The following CTNNA3 variants were observed in gnomAD, a reference collection of about 807,000 sequenced individuals.
The protein encoded by CTNNA3 is catenin alpha-3.
CTNNA3 carries 76 observed loss-of-function variants against 95.7 expected under a neutral mutation model. The ratio of observed to expected loss-of-function variants is 0.79; its 90% CI spans 0.66 to 0.96. The LOEUF (loss-of-function observed/expected upper bound fraction) is 0.96, where lower values mean the gene tolerates loss of function less well. Among genes scored for constraint, CTNNA3 ranks in the 40% least tolerant of loss-of-function variants. CTNNA3 has a pLI of 0.00. For synonymous variants in CTNNA3, 431 were observed against 374.4 expected, an observed-to-expected ratio of 1.15 and a Z score of -1.74; for missense variants, 1,191 against 1,089.8, an observed-to-expected ratio of 1.09 and a Z score of -1.31.
chr10:66,061,765 C>A (rs893393933), intron 15 of CTNNA3, among the ~76,000 whole-genome samples: 1 of 152,054 alleles, frequency 6.6e-6, no homozygotes, highest in African/African-American at 2.4e-5. Context: ...GACTCAACCC[C>A]ACACCTCATT....
intron 9 of CTNNA3, among the ~76,000 whole-genome samples, chr10:66,697,266 A>G (rs10822888): frequency 0.18 from 26,721 of 149,392 alleles, 3,038 homozygotes; most frequent in East Asian, 0.34. Flanking sequence ...ATATATATAT[A>G]GATATATAGA....
chr10:66,571,061 A>C (rs1842854212), intron 10 of CTNNA3, among the ~76,000 whole-genome samples: 1 of 152,222 alleles, frequency 6.6e-6, no homozygotes, highest in Admixed American at 6.5e-5. Context: ...TAAGCAAGAT[A>C]GTAATCAAGG....
intron 3 of CTNNA3, among the ~76,000 whole-genome samples, chr10:67,557,194 T>TA (rs1401653335): frequency 6.6e-6 from 1 of 152,066 alleles, no homozygotes; most frequent in Non-Finnish European, 1.5e-5. Flanking sequence ...TTGGTATATC[T>TA]AAAAAAAGGA....
At chr10:66,083,933 C>T (rs527917836) in intron 14 of CTNNA3, among the ~76,000 whole-genome samples, 15 of 151,802 alleles carry the variant, frequency 9.9e-5, no homozygotes, top group Admixed American at 3.3e-4. Flanking sequence ...GTTGGGAATT[C>T]GAGACCAGCC....
chr10:66,197,813 C>T (rs2087062933), intron 13 of CTNNA3, among the ~76,000 whole-genome samples: 1 of 152,102 alleles, frequency 6.6e-6, no homozygotes, highest in Non-Finnish European at 1.5e-5. Flanking sequence ...AGACAAACAC[C>T]AGCTTCATGT....
At chr10:67,466,441 C>T (rs185038163) in intron 5 of CTNNA3, among the ~76,000 whole-genome samples, 39 of 152,214 alleles carry the variant, frequency 2.6e-4, no homozygotes, top group African/African-American at 9.1e-4. Flanking sequence ...TCTCTTTCTA[C>T]GTAATTATAA....
intron 7 of CTNNA3, among the ~76,000 whole-genome samples, chr10:67,179,870 G>A (rs1264657335): frequency 6.6e-6 from 1 of 151,956 alleles, no homozygotes; most frequent in Non-Finnish European, 1.5e-5. Flanking sequence ...CAACCTGCAT[G>A]GGCTCTTTAC....
intron 7 of CTNNA3, among the ~76,000 whole-genome samples, chr10:66,886,063 T>C (rs1359874649): frequency 6.6e-6 from 1 of 152,114 alleles, no homozygotes; most frequent in Non-Finnish European, 1.5e-5. Flanking sequence ...CCTCATAGCC[T>C]CTAAGTCCTT....
At chr10:67,202,809 A>T (rs560021112) in intron 6 of CTNNA3, among the ~76,000 whole-genome samples, 2 of 151,974 alleles carry the variant, frequency 1.3e-5, no homozygotes, top group East Asian at 3.9e-4. Context: ...TCCAAAACAA[A>T]TTTTTATTAT....
chr10:66,188,595 CTGTGTGTGTGTGTG>C (rs71035114), intron 13 of CTNNA3, among the ~76,000 whole-genome samples: 2 of 121,080 alleles, frequency 1.7e-5, no homozygotes, highest in South Asian at 2.7e-4. Context: ...GGGGGGGTCT[CTGTGTGTGTGTGTG>C]TGTGTGTGTG....
intron 1 of CTNNA3, among the ~76,000 whole-genome samples, chr10:67,725,733 T>C (rs1841206543): frequency 6.6e-6 from 1 of 151,722 alleles, no homozygotes; most frequent in Admixed American, 6.6e-5. Context: ...AAAACCTATG[T>C]TCTAAATGTT....
intron 15 of CTNNA3, among the ~76,000 whole-genome samples, chr10:66,029,897 A>G (rs886931681): frequency 2.0e-5 from 3 of 152,202 alleles, no homozygotes; most frequent in African/African-American, 7.2e-5. Context: ...ATCTTTGCAC[A>G]CCACTCATTG....
intron 6 of CTNNA3, among the ~76,000 whole-genome samples, chr10:67,210,834 A>G (rs751961067): frequency 2.6e-5 from 4 of 152,164 alleles, no homozygotes; most frequent in Non-Finnish European, 5.9e-5. Context: ...ATCCACTCCT[A>G]TTACACAATC....
chr10:67,531,457 G>A (rs1204856802), intron 4 of CTNNA3, among the ~76,000 whole-genome samples: 1 of 152,192 alleles, frequency 6.6e-6, no homozygotes, highest in East Asian at 1.9e-4. Context: ...CTGCCCTGAT[G>A]GATTGTGGAC....
At chr10:67,500,346 C>T (rs886565724) in intron 5 of CTNNA3, among the ~76,000 whole-genome samples, 4 of 152,136 alleles carry the variant, frequency 2.6e-5, no homozygotes, top group Admixed American at 1.3e-4. Context: ...TGTTTTACTT[C>T]CAATTATGTG....
At chr10:66,063,681 C>T (rs1441106648) in intron 15 of CTNNA3, among the ~76,000 whole-genome samples, 2 of 151,762 alleles carry the variant, frequency 1.3e-5, no homozygotes, top group African/African-American at 4.8e-5. Context: ...AATGCTATTG[C>T]TTTTTTATAT....
intron 14 of CTNNA3, among the ~76,000 whole-genome samples, chr10:66,071,813 C>T (rs1440695395): frequency 6.6e-6 from 1 of 152,162 alleles, no homozygotes; most frequent in Non-Finnish European, 1.5e-5. Flanking sequence ...CCATTACTTA[C>T]ACAAATAGAT....
intron 16 of CTNNA3, among the ~76,000 whole-genome samples, chr10:65,968,661 A>T (rs1297259553): frequency 6.6e-6 from 1 of 152,068 alleles, no homozygotes; most frequent in African/African-American, 2.4e-5. Context: ...AGCCTGAGCC[A>T]CCCCACACTT....
intron 9 of CTNNA3, among the ~76,000 whole-genome samples, chr10:66,677,409 T>TC (rs1309129462): frequency 6.6e-6 from 1 of 151,870 alleles, no homozygotes; most frequent in African/African-American, 2.4e-5. Context: ...CCCACTTTTT[T>TC]TTTAATCAGA....
Sources: allele counts gnomAD v4.1 joint callset (sites outside exome capture counted in the v4.1 genomes callset), GRCh38; gene constraint gnomAD v4.1.1; transcripts MANE v1.5; gene names NCBI Gene and HGNC (gene_info 2026-07-23, HGNC 2026-07-21).